Variants in SPAG16 observed in about 807,000 individuals in gnomAD.
The protein encoded by SPAG16 is sperm associated antigen 16.
SPAG16 carries 86 observed loss-of-function variants against 80.4 expected under a neutral mutation model. The observed-to-expected ratio is 1.07, with a 90% CI of 0.90 to 1.28. The LOEUF is 1.28. Among genes scored for constraint, SPAG16 ranks in the 50% most tolerant of loss-of-function variants. The pLI is 0.00. For missense variants in SPAG16, 870 were observed against 765.3 expected, an observed-to-expected ratio of 1.14 and a Z score of -1.61; for synonymous variants, 294 against 265.9, an observed-to-expected ratio of 1.11 and a Z score of -1.03.
At chr2:213,323,727 A>G (rs2063727635) in intron 5 of SPAG16, among the ~76,000 whole-genome samples, 1 of 152,210 alleles carries the variant, frequency 6.6e-6, no homozygotes, top group East Asian at 1.9e-4. Context: ...AAACAACCTA[A>G]ATGTTCATTG....
At chr2:214,002,515 C>T (rs1322682603) in intron 12 of SPAG16, among the ~76,000 whole-genome samples, 1 of 151,784 alleles carries the variant, frequency 6.6e-6, no homozygotes, top group Non-Finnish European at 1.5e-5. Flanking sequence ...TGAAACAGAA[C>T]CAATAGGAGA....
intron 15 of SPAG16, among the ~76,000 whole-genome samples, chr2:214,290,382 G>T (rs921914233): frequency 7.2e-6 from 1 of 138,554 alleles, no homozygotes; most frequent in Non-Finnish European, 1.5e-5. Context: ...ATTGAGCTCT[G>T]ATCTGATATT....
At chr2:213,375,724 T>A (rs1047910192) in intron 9 of SPAG16, among the ~76,000 whole-genome samples, 3 of 151,998 alleles carry the variant, frequency 2.0e-5, no homozygotes, top group Admixed American at 6.6e-5. Flanking sequence ...GTAATGGATT[T>A]TCTTGTAAGG....
At chr2:213,586,118 C>A (rs1035698796) in intron 10 of SPAG16, among the ~76,000 whole-genome samples, 1 of 152,252 alleles carries the variant, frequency 6.6e-6, no homozygotes, top group Middle Eastern at 3.4e-3. Flanking sequence ...TATTTGAAAT[C>A]TTACCCCTAG....
Position 213,890,100 on chromosome 2 carries a change from AG to A in SPAG16, c.1214+27473del, listed in dbSNP as rs1359167655. 2.0e-5 allele frequency among the ~76,000 whole-genome samples: 3 copies of A among 152,096 alleles called. No homozygotes were observed. In the East Asian group the frequency reaches 5.8e-4, roughly 29 times the overall value. On this transcript the variant is annotated intron_variant, in intron 11 of 15. Coordinates refer to ENST00000331683, the MANE Select transcript of SPAG16 (RefSeq NM_024532.5). ...AGTTTAATTTCAATAAAGCAACATC[AG>A]CCATAATTTAGTGTCCTTTAAGTGA...
chr2:214,174,068 A>C (rs2056982162), intron 15 of SPAG16, among the ~76,000 whole-genome samples: 1 of 152,072 alleles, frequency 6.6e-6, no homozygotes, highest in Non-Finnish European at 1.5e-5. Context: ...TATTGATGGG[A>C]CGTATCTCAA....
intron 10 of SPAG16, among the ~76,000 whole-genome samples, chr2:213,490,811 T>C (rs1049716774): frequency 1.3e-5 from 2 of 152,172 alleles, no homozygotes; most frequent in Non-Finnish European, 2.9e-5. Context: ...CAAATTTATG[T>C]AATTGTTCTT....
intron 10 of SPAG16, among the ~76,000 whole-genome samples, chr2:213,780,823 T>C (rs2069911538): frequency 1.3e-5 from 2 of 152,302 alleles, no homozygotes; most frequent in Non-Finnish European, 2.9e-5. Context: ...TGGCTATCTA[T>C]AATTTGGCAA....
At chr2:213,526,679 C>G (rs2075898713) in intron 10 of SPAG16, among the ~76,000 whole-genome samples, 1 of 152,126 alleles carries the variant, frequency 6.6e-6, no homozygotes, top group Non-Finnish European at 1.5e-5. Flanking sequence ...AGTGCATTCT[C>G]CATCAGCTTT....
At chr2:213,862,734 AAC>A (rs2075528863) in intron 11 of SPAG16, 106 bp downstream of exon 11, 1 of 1,254,206 alleles carries the variant, frequency 8.0e-7, no homozygotes, top group East Asian at 2.4e-5. Context: ...TTTCTGCAAC[AAC>A]ACACCCTGCA....
intron 9 of SPAG16, among the ~76,000 whole-genome samples, chr2:213,377,979 G>T (rs936140654): frequency 1.3e-5 from 2 of 150,674 alleles, no homozygotes; most frequent in African/African-American, 4.9e-5. Flanking sequence ...TAACTCACAC[G>T]ATCACAAGGT....
At chr2:213,944,353 G>A in intron 12 of SPAG16, among the ~76,000 whole-genome samples, 1 of 152,210 alleles carries the variant, frequency 6.6e-6, no homozygotes, top group East Asian at 1.9e-4. Flanking sequence ...CTCTTACAGA[G>A]TTTGCCTTGC....
At chr2:214,135,150 A>T (rs2054980791) in intron 14 of SPAG16, among the ~76,000 whole-genome samples, 1 of 152,204 alleles carries the variant, frequency 6.6e-6, no homozygotes, top group African/African-American at 2.4e-5. Flanking sequence ...ACCTACTTCT[A>T]GCATTTAACT....
At position 213,489,977 on chromosome 2, in the gene SPAG16, C is replaced by T. The variant is rs1370152796; in HGVS notation, c.957C>T (p.Pro319=). 1 of 1,603,080 alleles carries T rather than the reference C, an allele frequency of 6.2e-7. No individual in the cohort carries two copies. The highest frequency in any genetic ancestry group is 8.5e-7 in the Non-Finnish European group (1 of 1,175,906). The change falls in exon 10 of 16, where the codon CCC becomes CCT. Residue 319 remains proline, a synonymous_variant. Coordinates refer to ENST00000331683, the MANE Select transcript of SPAG16 (RefSeq NM_024532.5). ...MKGNTKDSEF[P]IDMQPNPNLN... is the part of the protein sequence containing the mutation. ...TTTTTCTCTAGGATTCAGAATTTCC[C>T]ATAGATATGCAACCAAATCCAAACC...
intron 10 of SPAG16, among the ~76,000 whole-genome samples, chr2:213,847,335 C>A (rs1002662418): frequency 6.6e-6 from 1 of 152,176 alleles, no homozygotes; most frequent in Non-Finnish European, 1.5e-5. Context: ...GTTCATTCTT[C>A]TGCAGGTTTT....
At chr2:213,361,422 A>ATG (rs1248285309) in intron 7 of SPAG16, among the ~76,000 whole-genome samples, 2 of 150,714 alleles carry the variant, frequency 1.3e-5, no homozygotes, top group Admixed American at 6.6e-5. Context: ...CTAAATATAT[A>ATG]TATATATTTT....
intron 10 of SPAG16, among the ~76,000 whole-genome samples, chr2:213,764,054 C>T (rs2068804018): frequency 6.6e-6 from 1 of 152,070 alleles, no homozygotes; most frequent in Non-Finnish European, 1.5e-5. Context: ...TCTAAGATAC[C>T]CTCAAAGACT....
At chr2:214,383,651 T>A (rs1399628272) in intron 15 of SPAG16, among the ~76,000 whole-genome samples, 1 of 151,594 alleles carries the variant, frequency 6.6e-6, no homozygotes, top group Non-Finnish European at 1.5e-5. Flanking sequence ...TAACAAGGTG[T>A]TTAGAGGAAA....
intron 10 of SPAG16, among the ~76,000 whole-genome samples, chr2:213,645,921 G>A (rs2062805651): frequency 6.6e-6 from 1 of 152,224 alleles, no homozygotes; most frequent in Non-Finnish European, 1.5e-5. Context: ...AGGCACTCAA[G>A]TTCTGATGGC....
Sources: gnomAD v4.1 joint callset for allele counts (sites outside exome capture counted in the v4.1 genomes callset) on GRCh38, gnomAD v4.1.1 for gene constraint, MANE v1.5 for transcripts, NCBI Gene and HGNC (gene_info 2026-07-23, HGNC 2026-07-21) for gene names.